Variants in PACRG observed in about 807,000 individuals in gnomAD.
PACRG encodes parkin coregulated.
Under a neutral mutation model 29.7 loss-of-function variants are expected in PACRG, and 29 were observed. That is an observed-to-expected ratio of 0.98 (90% CI 0.73 to 1.33). PACRG has a LOEUF of 1.33. Ranked by LOEUF, PACRG falls within the 40% of genes most tolerant of loss-of-function variation. PACRG has a pLI of 0.00. For missense variants in PACRG, 279 were observed against 316.2 expected, an observed-to-expected ratio of 0.88 and a Z score of 0.89; for synonymous variants, 116 against 118.7, an observed-to-expected ratio of 0.98 and a Z score of 0.15.
At chr6:162,884,919 G>A (rs369250049) in intron 2 of PACRG, among the ~76,000 whole-genome samples, 2 of 152,258 alleles carry the variant, frequency 1.3e-5, no homozygotes, top group African/African-American at 2.4e-5. Flanking sequence ...CCCGTGTAAC[G>A]TACTGAAATT....
At chr6:162,953,800 A>G (rs1799828902) in intron 2 of PACRG, among the ~76,000 whole-genome samples, 1 of 152,048 alleles carries the variant, frequency 6.6e-6, no homozygotes. Flanking sequence ...CTGTTCTTAA[A>G]TGTAAATTCA....
chr6:162,878,301 G>C (rs573119441), intron 2 of PACRG, among the ~76,000 whole-genome samples: 1 of 152,124 alleles, frequency 6.6e-6, no homozygotes, highest in Non-Finnish European at 1.5e-5. Flanking sequence ...AGTCATGTAT[G>C]TGAATAAGAA....
At chr6:163,164,311 C>T (rs1014548911) in intron 4 of PACRG, among the ~76,000 whole-genome samples, 1 of 152,176 alleles carries the variant, frequency 6.6e-6, no homozygotes. Flanking sequence ...TTTCAGCTTC[C>T]ATTTGGTGGC....
chr6:162,861,230 TTGG>T lies in PACRG; in HGVS notation c.291+46951_291+46953del, dbSNP rs527641648. On this transcript the variant is annotated intron_variant, in intron 2 of 4. Coordinates refer to ENST00000366888, the MANE Select transcript of PACRG (RefSeq NM_001080379.2). ...AACCTGAGAGGGTTAATAGAATTTC[TTGG>T]TAACCATTTAATAAAATTAATGTGC... Among the ~76,000 whole-genome samples, 23 of 152,326 alleles carry T rather than the reference TTGG, an allele frequency of 1.5e-4. No individual in the cohort carries two copies. In the South Asian group the frequency reaches 4.8e-3, roughly 32 times the overall value.
At chr6:163,072,717 T>G (rs910697104) in intron 3 of PACRG, among the ~76,000 whole-genome samples, 1 of 151,966 alleles carries the variant, frequency 6.6e-6, no homozygotes, top group Non-Finnish European at 1.5e-5. Context: ...ACCTAAAGAC[T>G]CCACCAAAAA....
chr6:162,828,959 T>C (rs1387938420), intron 2 of PACRG, among the ~76,000 whole-genome samples: 1 of 152,180 alleles, frequency 6.6e-6, no homozygotes, highest in Non-Finnish European at 1.5e-5. Context: ...AAAACCCTAA[T>C]TGAGGAATCA....
At chr6:163,188,173 C>T (rs1309419404) in intron 4 of PACRG, among the ~76,000 whole-genome samples, 4 of 152,184 alleles carry the variant, frequency 2.6e-5, no homozygotes, top group Non-Finnish European at 4.4e-5. Context: ...TGCATCAGAA[C>T]ATCGGGGAGG....
intron 2 of PACRG, among the ~76,000 whole-genome samples, chr6:162,879,206 G>T (rs920518597): frequency 3.3e-5 from 5 of 152,064 alleles, no homozygotes; most frequent in Non-Finnish European, 5.9e-5. Flanking sequence ...TGCCAATTGT[G>T]CACGAAGAGA....
Position 163,308,156 on chromosome 6 carries a change from C to G in PACRG, c.614-6671C>G, listed in dbSNP as rs554322349. Among the ~76,000 whole-genome samples the G allele has an allele frequency of 2.2e-3, 333 of 152,176 alleles. 1 individual carries two copies. The highest frequency in any genetic ancestry group is 6.8e-3 in the Middle Eastern group (2 of 292). ...CCTTTCTTAATTCATATTAAAAAAA[C>G]TCAAAAGCAACCATTTCTAAATTCG... is the stretch of plus-strand genomic sequence containing the variant. On this transcript the variant is annotated intron_variant, in intron 4 of 4. Transcript: ENST00000366888.
At chr6:162,733,829 ACT>A (rs915325578) in intron 1 of PACRG, among the ~76,000 whole-genome samples, 3 of 151,764 alleles carry the variant, frequency 2.0e-5, no homozygotes, top group Non-Finnish European at 4.4e-5. Context: ...CTTCCTGACC[ACT>A]CTATTTTAAA....
At chr6:162,884,577 AT>A (rs913100757) in intron 2 of PACRG, among the ~76,000 whole-genome samples, 2 of 152,194 alleles carry the variant, frequency 1.3e-5, no homozygotes, top group Non-Finnish European at 2.9e-5. Flanking sequence ...TTCCTAACAA[AT>A]TTTTTTAAAA....
In PACRG at chr6:163,272,999, C is replaced by A. The variant is rs547644070; in HGVS notation, c.614-41828C>A. Among the ~76,000 whole-genome samples, 24 of 138,842 alleles carry A rather than the reference C, an allele frequency of 1.7e-4. No individual in the cohort carries two copies. In the South Asian group the frequency reaches 4.8e-3, roughly 28 times the overall value. 91.1% of individuals were successfully genotyped at this position (138,842 alleles called of 152,430 possible). ...CTCCGCCTCCCGGGTTCACGCCATT[C>A]TCCTGCCTCAGCCTCCCAAGTAGCT... On this transcript the variant is annotated intron_variant, in intron 4 of 4. Coordinates refer to ENST00000366888, the MANE Select transcript of PACRG (RefSeq NM_001080379.2).
intron 1 of PACRG, among the ~76,000 whole-genome samples, chr6:162,787,572 GTGTGTGTGTGTATA>G (rs1391843188): frequency 3.4e-5 from 2 of 58,508 alleles, no homozygotes; most frequent in African/African-American, 1.4e-4. Context: ...GTGTGTGTGT[GTGTGTGTGTGTATA>G]TATATATATA....
At chr6:162,796,717 A>G (rs1031431980) in intron 1 of PACRG, among the ~76,000 whole-genome samples, 1 of 152,110 alleles carries the variant, frequency 6.6e-6, no homozygotes, top group South Asian at 2.1e-4. Flanking sequence ...CAAAAAAAAA[A>G]AGGATACCTC....
At chr6:163,034,777 AG>A (rs1163887298) in intron 2 of PACRG, among the ~76,000 whole-genome samples, 2 of 152,178 alleles carry the variant, frequency 1.3e-5, no homozygotes, top group Non-Finnish European at 2.9e-5. Flanking sequence ...GTTACAGGGA[AG>A]GGGTCCTAAT....
At position 162,783,663 on chromosome 6, in the gene PACRG, T is replaced by C. The variant is rs527314386; in HGVS notation, c.157-30484T>C. ...TAAAATATGCTATGATAATTATTCTTGTACTTACATCTCTGCAGACTTTCT... is the reference window on the plus strand; with the variant it reads ...TAAAATATGCTATGATAATTATTCTCGTACTTACATCTCTGCAGACTTTCT... On this transcript the variant is annotated intron_variant, in intron 1 of 4. Coordinates refer to ENST00000366888, the MANE Select transcript of PACRG (RefSeq NM_001080379.2). 1.1e-4 allele frequency among the ~76,000 whole-genome samples: 17 copies of C among 152,158 alleles called. No homozygotes were observed. The East Asian group carries it at 2.7e-3, about 24-fold the overall frequency.
At chr6:163,179,132 G>A in intron 4 of PACRG, 1 of 446,570 alleles carries the variant, frequency 2.2e-6, no homozygotes, top group Non-Finnish European at 4.5e-6. Context: ...TTTTGGGCAT[G>A]GACCGTGGTT....
chr6:163,196,846 CAGAT>C (rs1368788820), intron 4 of PACRG, among the ~76,000 whole-genome samples: 18 of 150,964 alleles, frequency 1.2e-4, no homozygotes, highest in African/African-American at 2.9e-4. Context: ...AAAGACTAGA[CAGAT>C]AGACAAATAG....
chr6:163,267,791 C>G (rs975153018), intron 4 of PACRG, among the ~76,000 whole-genome samples: 2 of 152,182 alleles, frequency 1.3e-5, no homozygotes, highest in Admixed American at 1.3e-4. Flanking sequence ...AACTCCCATA[C>G]GGTCCCTAAT....
Sources: allele counts gnomAD v4.1 joint callset (sites outside exome capture counted in the v4.1 genomes callset), GRCh38; gene constraint gnomAD v4.1.1; transcripts MANE v1.5; gene names NCBI Gene and HGNC (gene_info 2026-07-23, HGNC 2026-07-21).